The following NUDCD3 variants were observed in gnomAD, a reference collection of about 807,000 sequenced individuals.
The protein encoded by NUDCD3 is nudC domain-containing protein 3.
A neutral mutation model predicts 39.7 loss-of-function variants in NUDCD3; 13 were observed. That is an observed-to-expected ratio of 0.33 (90% CI 0.21 to 0.52). The LOEUF is 0.52. NUDCD3 is among the 20% of genes least tolerant of loss of function. The pLI is 0.96. For synonymous variants in NUDCD3, 175 were observed against 172.4 expected, an observed-to-expected ratio of 1.02 and a Z score of -0.12; for missense variants, 453 against 458.1, an observed-to-expected ratio of 0.99 and a Z score of 0.10.
At chr7:44,408,520 T>A (rs1163965630) in intron 3 of NUDCD3, among the ~76,000 whole-genome samples, 1 of 152,176 alleles carries the variant, frequency 6.6e-6, no homozygotes, top group African/African-American at 2.4e-5. Flanking sequence ...GCAAGAACCC[T>A]CAGGAAAACA....
intron 2 of NUDCD3, among the ~76,000 whole-genome samples, chr7:44,456,652 G>A (rs1375803959): frequency 6.6e-6 from 1 of 151,964 alleles, no homozygotes; most frequent in Non-Finnish European, 1.5e-5. Flanking sequence ...GCTCCTCAGG[G>A]GACTGAGGTG....
At chr7:44,390,528 C>T (rs1798494316) in intron 5 of NUDCD3, among the ~76,000 whole-genome samples, 1 of 136,946 alleles carries the variant, frequency 7.3e-6, no homozygotes, top group East Asian at 1.9e-4. Context: ...GACCTTAGTC[C>T]CTCCATCCTG....
chr7:44,421,242 G>A (rs187192482), intron 3 of NUDCD3, among the ~76,000 whole-genome samples: 95 of 150,726 alleles, frequency 6.3e-4, no homozygotes, highest in African/African-American at 2.2e-3. Context: ...GCTGAGGCAG[G>A]AGAATCACTT....
chr7:44,431,223 G>A (rs527470080), intron 2 of NUDCD3, among the ~76,000 whole-genome samples: 20 of 152,222 alleles, frequency 1.3e-4, no homozygotes, highest in African/African-American at 3.9e-4. Flanking sequence ...AGGCAGGGGA[G>A]GGAGCATCCA....
intron 4 of NUDCD3, among the ~76,000 whole-genome samples, chr7:44,399,833 G>A (rs1798688936): frequency 6.6e-6 from 1 of 152,134 alleles, no homozygotes; most frequent in African/African-American, 2.4e-5. Context: ...CACTCACAGG[G>A]TTCAAAAATC....
chr7:44,406,131 T>C (rs1261267247), intron 3 of NUDCD3, among the ~76,000 whole-genome samples: 1 of 152,162 alleles, frequency 6.6e-6, no homozygotes, highest in African/African-American at 2.4e-5. Flanking sequence ...AGATAGTTCC[T>C]GAGCCATGCA....
intron 4 of NUDCD3, among the ~76,000 whole-genome samples, chr7:44,400,051 G>C (rs1798693228): frequency 6.6e-6 from 1 of 152,210 alleles, no homozygotes; most frequent in Non-Finnish European, 1.5e-5. Flanking sequence ...CCCCGCAGCA[G>C]AGCAGCCACC....
chr7:44,399,027 G>A (rs1162582027), intron 4 of NUDCD3, among the ~76,000 whole-genome samples: 1 of 152,220 alleles, frequency 6.6e-6, no homozygotes, highest in Non-Finnish European at 1.5e-5. Context: ...GGCCAGATAG[G>A]ACCCAGCTGT....
intron 2 of NUDCD3, among the ~76,000 whole-genome samples, chr7:44,456,461 G>A (rs993767184): frequency 2.0e-5 from 3 of 152,072 alleles, no homozygotes; most frequent in East Asian, 3.8e-4. Flanking sequence ...TATTGCACTC[G>A]ACTTGTCATA....
chr7:44,454,006 G>A (rs1799843067), intron 2 of NUDCD3, among the ~76,000 whole-genome samples: 1 of 152,024 alleles, frequency 6.6e-6, no homozygotes, highest in South Asian at 2.1e-4. Context: ...TTGTGCCATT[G>A]CGCTCCAACC....
At chr7:44,442,408 T>C (rs890451038) in intron 2 of NUDCD3, among the ~76,000 whole-genome samples, 7 of 152,106 alleles carry the variant, frequency 4.6e-5, no homozygotes, top group Non-Finnish European at 8.8e-5. Context: ...CAGGGGCTGT[T>C]TGGGGGCACC....
At chr7:44,427,186 G>C (rs896889652) in intron 3 of NUDCD3, among the ~76,000 whole-genome samples, 1 of 152,182 alleles carries the variant, frequency 6.6e-6, no homozygotes, top group South Asian at 2.1e-4. Context: ...GGAAAAAAGA[G>C]AATTCACCAA....
intron 2 of NUDCD3, among the ~76,000 whole-genome samples, chr7:44,467,071 G>A (rs774588588): frequency 1.3e-5 from 2 of 152,208 alleles, no homozygotes; most frequent in Non-Finnish European, 2.9e-5. Flanking sequence ...CCAGCCCCCC[G>A]TGGTGAAGAA....
At chr7:44,463,730 T>C (rs574609944) in intron 2 of NUDCD3, among the ~76,000 whole-genome samples, 48 of 152,232 alleles carry the variant, frequency 3.2e-4, no homozygotes, top group African/African-American at 5.1e-4. Flanking sequence ...CCAAGAACAA[T>C]TGTTATCTCT....
chr7:44,394,426 G>C (rs558886274), intron 4 of NUDCD3, among the ~76,000 whole-genome samples: 4 of 152,104 alleles, frequency 2.6e-5, no homozygotes, highest in Non-Finnish European at 4.4e-5. Flanking sequence ...ACTCTACCTC[G>C]TCTTTACCAA....
intron 2 of NUDCD3, among the ~76,000 whole-genome samples, chr7:44,436,108 A>G (rs1271107291): frequency 1.3e-5 from 2 of 152,078 alleles, no homozygotes; most frequent in African/African-American, 2.4e-5. Flanking sequence ...TAATTTGAAG[A>G]AAAAAAAATT....
At chr7:44,396,197 T>C (rs994342626) in intron 4 of NUDCD3, among the ~76,000 whole-genome samples, 3 of 151,758 alleles carry the variant, frequency 2.0e-5, no homozygotes, top group African/African-American at 7.3e-5. Flanking sequence ...CACACAGGCC[T>C]GCCTCCTCTG....
chr7:44,399,241 G>A lies in NUDCD3; in HGVS notation c.786+5199C>T, dbSNP rs528455703. On this transcript the variant is annotated intron_variant, in intron 4 of 5. Coordinates refer to ENST00000355451, the MANE Select transcript of NUDCD3 (RefSeq NM_015332.4). ...CTGGAACAGGTTTCCTTGGGCTACC[G>A]CCTTCTGTTAAATCTGTAAGCTTCA... Among the ~76,000 whole-genome samples, 167 of 152,282 alleles carry A rather than the reference G, an allele frequency of 1.1e-3. 1 individual carries two copies. The highest frequency in any genetic ancestry group is 3.9e-3 in the African/African-American group (163 of 41,552).
chr7:44,413,849 A>G (rs1798973460), intron 3 of NUDCD3, among the ~76,000 whole-genome samples: 2 of 152,194 alleles, frequency 1.3e-5, no homozygotes, highest in Non-Finnish European at 2.9e-5. Context: ...GCCCAGGAGT[A>G]CAAGACCAGC....
Sources: allele counts gnomAD v4.1 joint callset (sites outside exome capture counted in the v4.1 genomes callset), GRCh38; gene constraint gnomAD v4.1.1; transcripts MANE v1.5; gene names NCBI Gene and HGNC (gene_info 2026-07-23, HGNC 2026-07-21).